Variants in CDH13 observed in about 807,000 individuals in gnomAD.
CDH13 encodes the protein cadherin 13.
A neutral mutation model predicts 63.8 loss-of-function variants in CDH13; 24 were observed. That is an observed-to-expected ratio of 0.38 (90% CI 0.27 to 0.53). The LOEUF is 0.53. CDH13 is among the 20% of genes least tolerant of loss of function. The pLI is 0.85. For missense variants in CDH13, 1,049 were observed against 903.1 expected (o/e 1.16, Z -2.07); for synonymous variants, 503 against 355.3 (o/e 1.42, Z -4.67).
At chr16:83,732,902 T>C (rs796456131) in intron 10 of CDH13, among the ~76,000 whole-genome samples, 8 of 152,262 alleles carry the variant, frequency 5.3e-5, no homozygotes, top group African/African-American at 1.9e-4. Context: ...GCCCATTCAC[T>C]CACCCATCTT....
At chr16:82,995,132 C>A (rs1054740470) in intron 2 of CDH13, among the ~76,000 whole-genome samples, 4 of 152,138 alleles carry the variant, frequency 2.6e-5, no homozygotes, top group Admixed American at 2.0e-4. Context: ...TCATCACAAC[C>A]CAAGTGGCTC....
chr16:83,099,828 A>T (rs890717087), intron 3 of CDH13, among the ~76,000 whole-genome samples: 8 of 152,146 alleles, frequency 5.3e-5, no homozygotes, highest in Non-Finnish European at 1.2e-4. Context: ...TGCTCAGCAT[A>T]GCGCCAGACG....
intron 11 of CDH13, among the ~76,000 whole-genome samples, chr16:83,750,131 A>T (rs11649646): frequency 1.3e-5 from 2 of 152,030 alleles, no homozygotes; most frequent in Non-Finnish European, 2.9e-5. Context: ...CCCCATCTCT[A>T]CTAAAGATAC....
rs1259301331 is a variant in CDH13 at position 83,162,029 on chromosome 16, C to G, written c.483+36528C>G. Reference sequence around the variant, plus strand: ...CTAATTCAGAAGTAAGTAAAGTCAGCTAGTCCCTTTGTTTGGGGGTTAGGC... The same window carrying G: ...CTAATTCAGAAGTAAGTAAAGTCAGGTAGTCCCTTTGTTTGGGGGTTAGGC... On this transcript the variant is annotated intron_variant, in intron 4 of 13. Coordinates refer to ENST00000567109, the MANE Select transcript of CDH13 (RefSeq NM_001257.5). 2.0e-5 allele frequency among the ~76,000 whole-genome samples: 3 copies of G among 152,178 alleles called. No homozygotes were observed. The East Asian group carries it at 5.8e-4, about 29-fold the overall frequency.
chr16:82,781,760 G>C (rs970477040), intron 1 of CDH13, among the ~76,000 whole-genome samples: 1 of 152,082 alleles, frequency 6.6e-6, no homozygotes, highest in African/African-American at 2.4e-5. Context: ...ACAAAAATCA[G>C]TTGGCAAAAC....
chr16:82,770,800 C>G (rs1023868887), intron 1 of CDH13, among the ~76,000 whole-genome samples: 1 of 152,110 alleles, frequency 6.6e-6, no homozygotes, highest in African/African-American at 2.4e-5. Context: ...CTCCGCCTCC[C>G]AAGTTCAAGC....
chr16:83,512,769 C>A (rs988628170), intron 7 of CDH13, among the ~76,000 whole-genome samples: 1 of 151,986 alleles, frequency 6.6e-6, no homozygotes. Flanking sequence ...CGATCTAGAC[C>A]AGTGTGGACT....
intron 4 of CDH13, among the ~76,000 whole-genome samples, chr16:83,207,254 C>T (rs1199571549): frequency 6.6e-6 from 1 of 152,180 alleles, no homozygotes; most frequent in Non-Finnish European, 1.5e-5. Flanking sequence ...CATTCACTGC[C>T]TCTGGAATCC....
chr16:83,788,989 G>A (rs188385374), intron 13 of CDH13, among the ~76,000 whole-genome samples: 9 of 152,346 alleles, frequency 5.9e-5, no homozygotes, highest in Admixed American at 2.6e-4. Context: ...GTCTGGTCAT[G>A]TGTAAAAGGC....
At chr16:82,782,605 A>G (rs2035814565) in intron 1 of CDH13, among the ~76,000 whole-genome samples, 1 of 152,140 alleles carries the variant, frequency 6.6e-6, no homozygotes. Context: ...AGTGCATAAT[A>G]GGTAGATAAA....
chr16:82,853,494 C>T (rs951931724), intron 1 of CDH13, among the ~76,000 whole-genome samples: 3 of 152,176 alleles, frequency 2.0e-5, no homozygotes, highest in Non-Finnish European at 4.4e-5. Flanking sequence ...CTCACTTAAT[C>T]CTCATAACGG....
chr16:82,968,493 C>T (rs139195008), intron 2 of CDH13, among the ~76,000 whole-genome samples: 101 of 152,288 alleles, frequency 6.6e-4, no homozygotes, highest in African/African-American at 2.2e-3. Context: ...GCCCTGCCAG[C>T]GGCTTGGAGA....
At chr16:83,099,852 A>T (rs1289148910) in intron 3 of CDH13, among the ~76,000 whole-genome samples, 1 of 152,152 alleles carries the variant, frequency 6.6e-6, no homozygotes, top group Non-Finnish European at 1.5e-5. Context: ...GAGAGCACTC[A>T]GTAAGAGTGA....
At chr16:82,945,952 C>G (rs894490308) in intron 2 of CDH13, among the ~76,000 whole-genome samples, 2 of 152,064 alleles carry the variant, frequency 1.3e-5, no homozygotes, top group African/African-American at 4.8e-5. Context: ...TCTTCTACGA[C>G]TCTTTGGAGG....
intron 11 of CDH13, among the ~76,000 whole-genome samples, chr16:83,760,030 C>T (rs1913836246): frequency 6.6e-6 from 1 of 151,228 alleles, no homozygotes; most frequent in Non-Finnish European, 1.5e-5. Context: ...AAATACTTCA[C>T]AGCAGAAAAT....
intron 4 of CDH13, among the ~76,000 whole-genome samples, chr16:83,213,665 A>G (rs1454694941): frequency 2.0e-5 from 3 of 152,200 alleles, no homozygotes; most frequent in Non-Finnish European, 4.4e-5. Context: ...AGAATCTTCA[A>G]AAAGGACCTG....
intron 1 of CDH13, among the ~76,000 whole-genome samples, chr16:82,769,019 G>T (rs1000516251): frequency 2.0e-5 from 3 of 152,106 alleles, no homozygotes; most frequent in African/African-American, 7.2e-5. Flanking sequence ...GATTGAGATA[G>T]AACATCAAAT....
chr16:83,560,489 G>A (rs2075683889), intron 7 of CDH13, among the ~76,000 whole-genome samples: 1 of 152,194 alleles, frequency 6.6e-6, no homozygotes, highest in Non-Finnish European at 1.5e-5. Context: ...CATGGAAGCT[G>A]CATGGGAAAA....
At chr16:82,628,770 A>G (rs1162548879) in intron 1 of CDH13, among the ~76,000 whole-genome samples, 1 of 152,118 alleles carries the variant, frequency 6.6e-6, no homozygotes, top group Non-Finnish European at 1.5e-5. Context: ...GTGTACATAT[A>G]CCCCAATTTA....
Sources: gnomAD v4.1 joint callset for allele counts (sites outside exome capture counted in the v4.1 genomes callset) on GRCh38, gnomAD v4.1.1 for gene constraint, MANE v1.5 for transcripts, NCBI Gene and HGNC (gene_info 2026-07-23, HGNC 2026-07-21) for gene names.